MYCBP2: variants seen among roughly 807,000 people sequenced by gnomAD.
MYCBP2 encodes the protein MYC binding protein 2, also known as E3 ubiquitin-protein ligase MYCBP2.
A neutral mutation model predicts 525.3 loss-of-function variants in MYCBP2; 120 were observed. The ratio of observed to expected loss-of-function variants is 0.23; its 90% CI spans 0.20 to 0.27. The LOEUF (loss-of-function observed/expected upper bound fraction) is 0.27. Among genes scored for constraint, MYCBP2 ranks in the 10% least tolerant of loss-of-function variants. The probability of loss-of-function intolerance (pLI) is 1.00; values close to 1 mark genes in which losing one functional copy is unlikely to be tolerated. For missense variants in MYCBP2, 4,149 were observed against 5,657.1 expected (o/e 0.73, Z 8.55); for synonymous variants, 1,894 against 1,955.8 (o/e 0.97, Z 0.83).
At chr13:77,263,461 C>T (rs1314647773) in intron 10 of MYCBP2, among the ~76,000 whole-genome samples, 190 bp downstream of exon 10, 1 of 151,874 alleles carries the variant, frequency 6.6e-6, no homozygotes, top group Non-Finnish European at 1.5e-5. Context: ...AAATATCATA[C>T]TTTGTTTAAA....
intron 1 of MYCBP2, among the ~76,000 whole-genome samples, chr13:77,314,956 GTTA>G (rs1302755810): frequency 2.0e-5 from 3 of 152,080 alleles, no homozygotes; most frequent in Non-Finnish European, 1.5e-5. Context: ...AAAGGAGGGA[GTTA>G]TTATCAGAGA....
Position 77,139,124 on chromosome 13 carries a change from C to T in MYCBP2, c.7659+72G>A. 1.7e-5 allele frequency: 25 copies of T among 1,502,116 alleles called. No homozygotes were observed. The South Asian group carries it at 3.3e-4, about 20-fold the overall frequency. The allele number at this position is 1,502,116 out of a possible 1,614,324, so 93.0% of individuals were successfully genotyped here. A position where few individuals can be genotyped will look rare whatever the true frequency, so the allele number is the denominator to read the frequency against. On this transcript the variant is annotated intron_variant, in intron 52 of 82. Coordinates refer to ENST00000544440, the MANE Select transcript of MYCBP2 (RefSeq NM_015057.5). ...GTGGGTTACCTCAGAACTGAAAAGC[C>T]TTAATTAAAGAAAGCTCTGTAAAAC...
chr13:77,192,976 A>G (rs185262886), intron 27 of MYCBP2, among the ~76,000 whole-genome samples: 198 of 152,048 alleles, frequency 1.3e-3, no homozygotes, highest in Middle Eastern at 6.8e-3. Flanking sequence ...TAAAAATACA[A>G]ACATTAGCCG....
chr13:77,072,300 G>GAAAAAAAAAAA (rs56238720), intron 68 of MYCBP2, among the ~76,000 whole-genome samples: 86 of 121,168 alleles, frequency 7.1e-4, no homozygotes, highest in East Asian at 9.7e-4. Flanking sequence ...CAAAAAAAAA[G>GAAAAAAAAAAA]AAAAAAAAAA....
At chr13:77,320,285 C>A (rs2081433402) in intron 1 of MYCBP2, among the ~76,000 whole-genome samples, 1 of 152,100 alleles carries the variant, frequency 6.6e-6, no homozygotes, top group Admixed American at 6.5e-5. Context: ...GGAACATGTG[C>A]CTGAAAGCGG....
At chr13:77,175,686 C>T (rs1051396986) in intron 36 of MYCBP2, among the ~76,000 whole-genome samples, 2 of 152,020 alleles carry the variant, frequency 1.3e-5, no homozygotes. Context: ...ATAGGCTGGG[C>T]GCGGTGGCTC....
At chr13:77,147,391 G>C (rs1159007949) in intron 47 of MYCBP2, among the ~76,000 whole-genome samples, 2 of 152,010 alleles carry the variant, frequency 1.3e-5, no homozygotes, top group Non-Finnish European at 2.9e-5. Flanking sequence ...ACAAAAATGG[G>C]CTGTAGGTAC....
rs779434754 is a variant in MYCBP2 at position 77,098,072 on chromosome 13, C to A, written c.9082G>T (p.Ala3028Ser). ...PAKQAMSPSVAECARAVFASF... is the reference protein window; with the variant it reads ...PAKQAMSPSVSECARAVFASF... ...GCAAACACAGCTCTGGCACATTCGG[C>A]CACAGAAGGAGACATGGCTTGCTTG... Residue 3028 changes from alanine (A) to serine (S), a missense_variant, in exon 56 of 83, where the codon GCC becomes TCC. Ala to Ser is a moderately conservative substitution (Grantham distance 99). Transcript: ENST00000544440. 42 of 1,613,336 alleles carry A rather than the reference C, an allele frequency of 2.6e-5. 1 individual carries two copies. The highest frequency in any genetic ancestry group is 1.6e-4 in the South Asian group (15 of 91,006).
rs145067678 is a variant in MYCBP2 at position 77,059,958 on chromosome 13, TATG to T, written c.13037-335_13037-333del. 8.8e-4 allele frequency among the ~76,000 whole-genome samples: 134 copies of T among 152,164 alleles called. 3 individuals are homozygous for T. The East Asian group carries it at 0.025, about 28-fold the overall frequency. ...TCCAAATGCACAATACCATAAAAAATATGATAACCAAAAATTAAATAAAAATAC... is the reference window on the plus strand; with the variant it reads ...TCCAAATGCACAATACCATAAAAAATATAACCAAAAATTAAATAAAAATAC... On this transcript the variant is annotated intron_variant, in intron 76 of 82. Coordinates refer to ENST00000544440, the MANE Select transcript of MYCBP2 (RefSeq NM_015057.5).
chr13:77,066,222 G>T (rs1023819629), intron 71 of MYCBP2, 134 bp from the exon 72 acceptor site: 23 of 631,656 alleles, frequency 3.6e-5, no homozygotes, highest in Non-Finnish European at 2.4e-5. Context: ...CATTTAAAAA[G>T]AAAATTCATC....
At chr13:77,259,632 A>G (rs1567078018) in intron 13 of MYCBP2, among the ~76,000 whole-genome samples, 2 of 152,196 alleles carry the variant, frequency 1.3e-5, no homozygotes, top group Non-Finnish European at 2.9e-5. Context: ...GTACACCTCC[A>G]CTTAATAATT....
At chr13:77,055,432 C>T in intron 80 of MYCBP2, 126 bp downstream of exon 80, 1 of 787,042 alleles carries the variant, frequency 1.3e-6, no homozygotes. Flanking sequence ...AAACATTGTA[C>T]CAAGCTATCT....
At chr13:77,251,077 G>C (rs1433552381) in intron 15 of MYCBP2, 74 bp downstream of exon 15, 6 of 1,366,188 alleles carry the variant, frequency 4.4e-6, no homozygotes, top group East Asian at 2.3e-5. Context: ...ATTAATAGTA[G>C]AGTATACTCC....
intron 8 of MYCBP2, among the ~76,000 whole-genome samples, chr13:77,265,996 G>A (rs1157323747): frequency 1.3e-5 from 2 of 152,116 alleles, no homozygotes; most frequent in Non-Finnish European, 2.9e-5. Flanking sequence ...AGCCACACTT[G>A]TATTGTTCAA....
chr13:77,274,387 T>C (rs995852807), intron 4 of MYCBP2, among the ~76,000 whole-genome samples: 1 of 151,966 alleles, frequency 6.6e-6, no homozygotes, highest in Non-Finnish European at 1.5e-5. Context: ...ATTTCTTCCA[T>C]AGAACGGAGA....
chr13:77,251,400 T>C (rs1364571031), intron 14 of MYCBP2, 45 bp from the exon 15 acceptor site: 3 of 1,512,372 alleles, frequency 2.0e-6, no homozygotes, highest in East Asian at 2.3e-5. Context: ...GTTACTTTCA[T>C]GTATAAAAGA....
In MYCBP2 at chr13:77,058,138, C is replaced by A. The variant is rs851507; in HGVS notation, c.13329+80G>T. ...TACAGGCATGAGCCACTGCGCCCGG[C>A]CTCAATCAATGTTTATTTGACAAAT... is the stretch of plus-strand genomic sequence containing the variant. On this transcript the variant is annotated intron_variant, in intron 78 of 82. Coordinates refer to ENST00000544440, the MANE Select transcript of MYCBP2 (RefSeq NM_015057.5). The surrounding 1 kb of genome is among the most constrained non-coding windows in gnomAD (Gnocchi z 4.1). 53 of 1,498,274 alleles carry A rather than the reference C, an allele frequency of 3.5e-5. 1 individual carries two copies. In the South Asian group the frequency reaches 3.8e-4, roughly 11 times the overall value. 92.8% of individuals were successfully genotyped at this position (1,498,274 alleles called of 1,614,324 possible). A position where few individuals can be genotyped will look rare whatever the true frequency, so the allele number is the denominator to read the frequency against.
rs2082289795 is a variant in MYCBP2 at position 77,326,250 on chromosome 13, C to CACACACAT, written c.302+223_302+224insATGTGTGT. Among the ~76,000 whole-genome samples, 1 of 138,000 alleles carries CACACACAT rather than the reference C, an allele frequency of 7.2e-6. No homozygotes were observed. The highest frequency in any genetic ancestry group is 3.1e-5 in the African/African-American group (1 of 32,454). 90.5% of individuals were successfully genotyped at this position (138,000 alleles called of 152,430 possible). A position where few individuals can be genotyped will look rare whatever the true frequency, so the allele number is the denominator to read the frequency against. ...CCACATAGGCAGGCAGACACACACA[C>CACACACAT]ACACACACACACACACACACACACA... On this transcript the variant is annotated intron_variant, in intron 1 of 82. Coordinates refer to ENST00000544440, the MANE Select transcript of MYCBP2 (RefSeq NM_015057.5). The surrounding 1 kb of genome is among the most constrained non-coding windows in gnomAD (Gnocchi z 4.2).
intron 40 of MYCBP2, among the ~76,000 whole-genome samples, chr13:77,167,450 C>T (rs1026975942): frequency 3.3e-5 from 5 of 152,000 alleles, no homozygotes; most frequent in Admixed American, 6.5e-5. Flanking sequence ...ACATAGGATC[C>T]AGTTTCTTCA....
Sources: gnomAD v4.1 joint callset for allele counts (sites outside exome capture counted in the v4.1 genomes callset) on GRCh38, gnomAD v4.1.1 for gene constraint, Gnocchi (gnomAD v3.1) non-coding constraint, MANE v1.5 for transcripts, NCBI Gene and HGNC (gene_info 2026-07-23, HGNC 2026-07-21) for gene names.